Variants in CRYL1 observed in about 807,000 individuals in gnomAD.
The protein encoded by CRYL1 is lambda-crystallin homolog.
CRYL1 carries 29 observed loss-of-function variants against 36.6 expected under a neutral mutation model. That is an observed-to-expected ratio of 0.79 (90% CI 0.59 to 1.08). The LOEUF is 1.08. Ranked by LOEUF, CRYL1 falls within the 50% of genes least tolerant of loss-of-function variation. CRYL1 has a pLI of 0.00. For missense variants in CRYL1, 411 were observed against 407.9 expected, an observed-to-expected ratio of 1.01 and a Z score of -0.06; for synonymous variants, 152 against 151.5, an observed-to-expected ratio of 1.00 and a Z score of -0.02.
Position 20,507,373 on chromosome 13 carries a change from C to T in CRYL1, c.149+5070G>A, listed in dbSNP as rs970064255. 4.6e-5 allele frequency among the ~76,000 whole-genome samples: 7 copies of T among 152,262 alleles called. No individual in the cohort carries two copies. The East Asian group carries it at 9.7e-4, about 21-fold the overall frequency. ...ATGGCTGCTTTTACTTTACAACGAA[C>T]GGCTGAAACAGAGACCATATGACCC... On this transcript the variant is annotated intron_variant, in intron 2 of 7. Coordinates refer to ENST00000298248, the MANE Select transcript of CRYL1 (RefSeq NM_015974.3).
intron 2 of CRYL1, among the ~76,000 whole-genome samples, chr13:20,505,359 C>CAAAAAAAAAAAAAAAAAAAAAAAAAAAA (rs61380702): frequency 7.7e-5 from 7 of 91,226 alleles, no homozygotes; most frequent in South Asian, 9.3e-4. Flanking sequence ...TCTATCCCAC[C>CAAAAAAAAAAAAAAAAAAAAAAAAAAAA]AAAAAAAAAA....
At chr13:20,478,245 T>A (rs927469069) in intron 3 of CRYL1, among the ~76,000 whole-genome samples, 1 of 152,188 alleles carries the variant, frequency 6.6e-6, no homozygotes, top group African/African-American at 2.4e-5. Flanking sequence ...TTTCTTAGCT[T>A]ATATTTATAT....
intron 5 of CRYL1, among the ~76,000 whole-genome samples, chr13:20,424,270 C>T (rs370924431): frequency 1.4e-4 from 22 of 152,320 alleles, no homozygotes; most frequent in African/African-American, 4.8e-4. Flanking sequence ...TCCGCTCTAA[C>T]GACCCTGCAG....
intron 5 of CRYL1, among the ~76,000 whole-genome samples, chr13:20,424,841 T>C (rs1349679831): frequency 6.6e-6 from 1 of 152,110 alleles, no homozygotes; most frequent in Non-Finnish European, 1.5e-5. Flanking sequence ...GGAAGCCCCA[T>C]CAGCGATTCA....
chr13:20,491,857 G>A (rs1311868772), intron 2 of CRYL1, among the ~76,000 whole-genome samples: 1 of 152,070 alleles, frequency 6.6e-6, no homozygotes. Context: ...TATGTGTCTT[G>A]GCCAGTTCAT....
intron 5 of CRYL1, among the ~76,000 whole-genome samples, chr13:20,428,282 C>T (rs1008145918): frequency 6.6e-6 from 1 of 152,164 alleles, no homozygotes; most frequent in Non-Finnish European, 1.5e-5. Flanking sequence ...CTGGAGCGTT[C>T]CAGATCTCAG....
chr13:20,479,077 C>T (rs914905144), intron 3 of CRYL1, among the ~76,000 whole-genome samples: 3 of 152,168 alleles, frequency 2.0e-5, no homozygotes, highest in Admixed American at 1.3e-4. Context: ...TGAGCCACCG[C>T]GCCTGGCCAT....
At position 20,404,278 on chromosome 13, in the gene CRYL1, GA is replaced by G. The variant is rs757616236; in HGVS notation, c.847-37del. 2.2e-6 allele frequency: 3 copies of G among 1,360,094 alleles called. No homozygotes were observed. The Admixed American group carries it at 5.1e-5, about 23-fold the overall frequency. The allele number at this position is 1,360,094 out of a possible 1,614,324, so 84.3% of individuals were successfully genotyped here. On this transcript the variant is annotated intron_variant, in intron 7 of 7. Coordinates refer to ENST00000298248, the MANE Select transcript of CRYL1 (RefSeq NM_015974.3). ...GAGAAGGAAAAAAAAGGACAATAAA[GA>G]GGAAATAATTTATCAAGAGTGTAAT...
chr13:20,512,426 A>T lies in CRYL1; in HGVS notation c.149+17T>A, dbSNP rs1226663463. The T allele has an allele frequency of 6.4e-7, 1 of 1,569,290 alleles. No individual in the cohort carries two copies. The highest frequency in any genetic ancestry group is 8.8e-7 in the Non-Finnish European group (1 of 1,140,574). ...AGACCCACTTCCATTCCTTCTGGAG[A>T]GCGCCGGCTGGCCCACCTGATGTTT... On this transcript the variant is annotated intron_variant, in intron 2 of 7. Transcript: ENST00000298248.
chr13:20,405,654 C>T (rs2031350674), intron 6 of CRYL1, among the ~76,000 whole-genome samples: 1 of 152,154 alleles, frequency 6.6e-6, no homozygotes, highest in African/African-American at 2.4e-5. Flanking sequence ...GCACAAGCCC[C>T]CATGCACGCT....
intron 2 of CRYL1, among the ~76,000 whole-genome samples, chr13:20,493,084 T>A (rs1487256694): frequency 6.6e-6 from 1 of 152,226 alleles, no homozygotes; most frequent in Non-Finnish European, 1.5e-5. Flanking sequence ...TAGATTCCCA[T>A]CTTGCACAGA....
rs533555619 is a variant in CRYL1 at position 20,425,016 on chromosome 13, C to G, written c.633+7086G>C. The stretch of plus-strand genomic sequence containing the variant: ...TTCCCTACACACTGGGCCCATCGCT[C>G]TATGTGACTTCGTGCCAAGACCACA... On this transcript the variant is annotated intron_variant, in intron 5 of 7. Coordinates refer to ENST00000298248, the MANE Select transcript of CRYL1 (RefSeq NM_015974.3). This position sits in a 1 kb window ranked among gnomAD's most constrained non-coding sequence, Gnocchi z 4.4. 5.9e-5 allele frequency among the ~76,000 whole-genome samples: 9 copies of G among 152,310 alleles called. No homozygotes were observed. The highest frequency in any genetic ancestry group is 1.9e-4 in the African/African-American group (8 of 41,560).
At chr13:20,441,502 T>A (rs2032350616) in intron 3 of CRYL1, among the ~76,000 whole-genome samples, 1 of 152,056 alleles carries the variant, frequency 6.6e-6, no homozygotes, top group Non-Finnish European at 1.5e-5. Context: ...TGACGGGAAA[T>A]GGGAAGTATA....
At chr13:20,434,384 C>T (rs888568043) in intron 4 of CRYL1, among the ~76,000 whole-genome samples, 1 of 152,144 alleles carries the variant, frequency 6.6e-6, no homozygotes, top group Non-Finnish European at 1.5e-5. Context: ...ACACATCAAT[C>T]GGGGCTCTGT....
chr13:20,423,302 G>A (rs958939104), intron 5 of CRYL1, among the ~76,000 whole-genome samples: 6 of 152,224 alleles, frequency 3.9e-5, no homozygotes, highest in South Asian at 4.2e-4. Context: ...TCCATACTAC[G>A]TTGGATAGAA....
intron 3 of CRYL1, among the ~76,000 whole-genome samples, chr13:20,455,020 G>C (rs1029508734): frequency 2.5e-4 from 38 of 152,104 alleles, no homozygotes; most frequent in Admixed American, 3.9e-4. Flanking sequence ...ATTCACATAA[G>C]ACATAAATGC....
intron 6 of CRYL1, among the ~76,000 whole-genome samples, chr13:20,407,178 C>A (rs1315436831): frequency 1.3e-5 from 2 of 151,170 alleles, no homozygotes; most frequent in African/African-American, 4.9e-5. Context: ...TTCAGGAAAC[C>A]CTTTAAAATG....
chr13:20,420,940 A>G (rs930338878), intron 5 of CRYL1, among the ~76,000 whole-genome samples: 14 of 151,968 alleles, frequency 9.2e-5, no homozygotes, highest in South Asian at 2.1e-4. Context: ...TCATTGTGTT[A>G]GCCAGGATGG....
intron 1 of CRYL1, among the ~76,000 whole-genome samples, chr13:20,521,380 C>G (rs1462137132): frequency 6.6e-6 from 1 of 152,110 alleles, no homozygotes; most frequent in African/African-American, 2.4e-5. Context: ...CCAGATTGCA[C>G]GGCCCCAGAG....
Sources: allele counts gnomAD v4.1 joint callset (sites outside exome capture counted in the v4.1 genomes callset), GRCh38; gene constraint gnomAD v4.1.1; non-coding constraint Gnocchi (gnomAD v3.1); transcripts MANE v1.5; gene names NCBI Gene and HGNC (gene_info 2026-07-23, HGNC 2026-07-21).